Variants in FABP6 observed in about 807,000 individuals in gnomAD.
FABP6 encodes fatty acid binding protein 6.
A neutral mutation model predicts 14.9 loss-of-function variants in FABP6; 13 were observed. The observed-to-expected ratio is 0.87, with a 90% CI of 0.57 to 1.39. The LOEUF (loss-of-function observed/expected upper bound fraction) is 1.39. FABP6 is among the 40% of genes most tolerant of loss of function. FABP6 has a pLI of 0.00. For missense variants in FABP6, 161 were observed against 167.2 expected, an observed-to-expected ratio of 0.96 and a Z score of 0.20; for synonymous variants, 75 against 63.6, an observed-to-expected ratio of 1.18 and a Z score of -0.85.
chr5:160,238,115 C>T (rs1424986894), intron 3 of FABP6, among the ~76,000 whole-genome samples: 1 of 152,122 alleles, frequency 6.6e-6, no homozygotes, highest in Non-Finnish European at 1.5e-5. Context: ...GAACAGCATC[C>T]CCCCCGCCTG....
At chr5:160,190,385 A>G (rs975338184) in intron 1 of FABP6, among the ~76,000 whole-genome samples, 2 of 152,098 alleles carry the variant, frequency 1.3e-5, no homozygotes, top group Non-Finnish European at 2.9e-5. Context: ...GGCATGCACC[A>G]CCACGTCCAG....
rs190884827 is a variant in FABP6 at position 160,193,949 on chromosome 5, G to A, written c.-58-5100G>A. ...GACTGGGCGCCGTGGGGCAGGGGGC[G>A]GCGCTCGTCGGGGAGGCTCGGGCTG... On this transcript the variant is annotated intron_variant, in intron 1 of 6. Coordinates refer to the FABP6 transcript ENST00000393980. Among the ~76,000 whole-genome samples the A allele has an allele frequency of 1.4e-3, 215 of 152,358 alleles. 1 individual carries two copies. Among genetic ancestry groups the A allele is most frequent in the African/African-American group, 5.0e-3 (208 of 41,596 alleles).
intron 1 of FABP6, among the ~76,000 whole-genome samples, chr5:160,189,623 C>A (rs1404992149): frequency 1.3e-5 from 2 of 152,074 alleles, no homozygotes; most frequent in Non-Finnish European, 2.9e-5. Flanking sequence ...GTAATTCCAG[C>A]ACTTTGGGAG....
chr5:160,198,982 AAATG>A (rs1276461069), intron 1 of FABP6: 1 of 972,012 alleles, frequency 1.0e-6, no homozygotes, highest in Non-Finnish European at 1.6e-6. Context: ...TTGAATAGAC[AAATG>A]AATGAACAAT....
intron 2 of FABP6, among the ~76,000 whole-genome samples, chr5:160,207,627 T>G (rs555847618): frequency 1.3e-5 from 2 of 152,348 alleles, no homozygotes; most frequent in African/African-American, 4.8e-5. Context: ...GTATGTATAT[T>G]TATATGTGTA....
chr5:160,217,857 C>T (rs1212323163), intron 3 of FABP6, among the ~76,000 whole-genome samples: 1 of 151,694 alleles, frequency 6.6e-6, no homozygotes, highest in African/African-American at 2.4e-5. Flanking sequence ...TGCCCAGGCT[C>T]ATCTCAAACT....
intron 2 of FABP6, among the ~76,000 whole-genome samples, chr5:160,210,820 C>T (rs1759872161): frequency 6.6e-6 from 1 of 152,214 alleles, no homozygotes; most frequent in Non-Finnish European, 1.5e-5. Context: ...AACGAGTGTC[C>T]TGCAGAATTA....
intron 2 of FABP6, among the ~76,000 whole-genome samples, chr5:160,210,186 A>C (rs1759858104): frequency 6.6e-6 from 1 of 152,240 alleles, no homozygotes. Context: ...AATGAATGAC[A>C]GGTAAGCTGG....
chr5:160,192,464 C>T (rs1357933016), intron 1 of FABP6, among the ~76,000 whole-genome samples: 1 of 152,270 alleles, frequency 6.6e-6, no homozygotes, highest in African/African-American at 2.4e-5. Context: ...TTACTCTCCA[C>T]TAAGTCCCCA....
intron 2 of FABP6, among the ~76,000 whole-genome samples, chr5:160,205,630 C>G (rs1759746517): frequency 1.3e-5 from 2 of 152,196 alleles, no homozygotes; most frequent in African/African-American, 2.4e-5. Context: ...GCTATGTGAC[C>G]ACGTTCTAGC....
At chr5:160,213,436 C>G in intron 2 of FABP6, among the ~76,000 whole-genome samples, 1 of 152,180 alleles carries the variant, frequency 6.6e-6, no homozygotes, top group East Asian at 1.9e-4. Flanking sequence ...GATAGGGGTG[C>G]AAATTGCCCA....
chr5:160,205,144 C>T (rs1434186831), intron 2 of FABP6, among the ~76,000 whole-genome samples: 7 of 151,866 alleles, frequency 4.6e-5, no homozygotes, highest in Non-Finnish European at 1.0e-4. Context: ...TGATAAGGGC[C>T]GAGTCTTCCA....
chr5:160,231,592 T>TA (rs1760384002), intron 1 of FABP6, among the ~76,000 whole-genome samples: 1 of 152,056 alleles, frequency 6.6e-6, no homozygotes, highest in Non-Finnish European at 1.5e-5. Context: ...GACAGGGTTT[T>TA]ACCATGTTAG....
At chr5:160,220,129 T>C (rs1460598266) in intron 3 of FABP6, among the ~76,000 whole-genome samples, 1 of 152,190 alleles carries the variant, frequency 6.6e-6, no homozygotes, top group African/African-American at 2.4e-5. Flanking sequence ...GTTAAATTAA[T>C]GCTGCAATAT....
chr5:160,208,692 C>G (rs1242763076), intron 2 of FABP6, among the ~76,000 whole-genome samples: 3 of 152,118 alleles, frequency 2.0e-5, no homozygotes, highest in Admixed American at 1.3e-4. Flanking sequence ...CTTTGGGAGG[C>G]CAAAGCAGGA....
At chr5:160,193,460 A>C (rs1372565164) in intron 1 of FABP6, among the ~76,000 whole-genome samples, 1 of 152,176 alleles carries the variant, frequency 6.6e-6, no homozygotes, top group African/African-American at 2.4e-5. Flanking sequence ...CTGCTGGCTC[A>C]GGCAGCCTGC....
At chr5:160,209,367 A>AT (rs1369437595) in intron 2 of FABP6, among the ~76,000 whole-genome samples, 1 of 152,120 alleles carries the variant, frequency 6.6e-6, no homozygotes, top group Non-Finnish European at 1.5e-5. Context: ...AAATAAAAAA[A>AT]CAAAAATTAG....
chr5:160,211,968 C>T (rs575110319), intron 2 of FABP6, among the ~76,000 whole-genome samples: 1 of 149,146 alleles, frequency 6.7e-6, no homozygotes, highest in South Asian at 2.1e-4. Flanking sequence ...CATCCTGTGC[C>T]TTCCTATGCA....
intron 3 of FABP6, among the ~76,000 whole-genome samples, chr5:160,215,340 C>G (rs1014396543): frequency 1.3e-5 from 2 of 152,148 alleles, no homozygotes; most frequent in Non-Finnish European, 2.9e-5. Flanking sequence ...ATGGTGAAAC[C>G]CCGTCTTTAC....
Sources: gnomAD v4.1 joint callset for allele counts (sites outside exome capture counted in the v4.1 genomes callset) on GRCh38, gnomAD v4.1.1 for gene constraint, MANE v1.5 for transcripts, NCBI Gene and HGNC (gene_info 2026-07-23, HGNC 2026-07-21) for gene names.